Variants in CREB3L2 observed in about 807,000 individuals in gnomAD.
CREB3L2 encodes the protein cyclic AMP-responsive element-binding protein 3-like protein 2.
Under a neutral mutation model 57.2 loss-of-function variants are expected in CREB3L2, and 23 were observed. The observed-to-expected ratio is 0.40, with a 90% CI of 0.29 to 0.57. The LOEUF is 0.57. CREB3L2 is among the 20% of genes least tolerant of loss of function. CREB3L2 has a pLI of 0.42. For synonymous variants in CREB3L2, 268 were observed against 265.1 expected (o/e 1.01, Z -0.11); for missense variants, 628 against 634.7 (o/e 0.99, Z 0.11).
intron 1 of CREB3L2, among the ~76,000 whole-genome samples, chr7:137,958,828 G>A (rs1313396077): frequency 6.6e-6 from 1 of 152,156 alleles, no homozygotes; most frequent in Non-Finnish European, 1.5e-5. Context: ...ACAGGTGAGT[G>A]GATCTGGTCA....
At chr7:137,912,102 C>T (rs941252239) in intron 4 of CREB3L2, among the ~76,000 whole-genome samples, 6 of 152,026 alleles carry the variant, frequency 3.9e-5, no homozygotes, top group Non-Finnish European at 5.9e-5. Flanking sequence ...CTTGGCCAGG[C>T]GTGGTGGCTT....
chr7:137,968,732 G>A (rs1399294894), intron 1 of CREB3L2, among the ~76,000 whole-genome samples: 1 of 152,126 alleles, frequency 6.6e-6, no homozygotes, highest in African/African-American at 2.4e-5. Flanking sequence ...GGGGGGTACA[G>A]CTGGATCAGT....
At chr7:137,929,890 T>A (rs192340114) in intron 1 of CREB3L2, among the ~76,000 whole-genome samples, 233 of 150,316 alleles carry the variant, frequency 1.6e-3, no homozygotes, top group African/African-American at 5.4e-3. Flanking sequence ...ATAAATTAAT[T>A]AATTAATTAA....
chr7:137,882,910 C>CT lies in CREB3L2; in HGVS notation c.1271-283_1271-282insA, dbSNP rs201431808. On this transcript the variant is annotated intron_variant, in intron 10 of 11. Transcript: ENST00000330387. Reference sequence around the variant, plus strand: ...CCACTGCTTTGAAAATATAAAACTCCCCCCTTACCACCCATAACCATCTAG... The same window carrying CT: ...CCACTGCTTTGAAAATATAAAACTCCTCCCCTTACCACCCATAACCATCTAG... Among the ~76,000 whole-genome samples the CT allele has an allele frequency of 1.3e-3, 199 of 150,538 alleles. 1 individual carries two copies. The East Asian group carries it at 0.03, about 23-fold the overall frequency.
rs1554495639 is a variant in CREB3L2, at chr7:137,904,849, A to AAG, written c.916-833_916-832insCT. On this transcript the variant is annotated intron_variant, in intron 6 of 11. Transcript: ENST00000330387. Reference sequence around the variant, plus strand: ...GTGAGACTCTGTATGAAAAAAAAAAAAAAGAAAGAAAGAAAAGAAAAGAAA... The same window carrying AAG: ...GTGAGACTCTGTATGAAAAAAAAAAAAGAAAGAAAGAAAGAAAAGAAAAGAAA... Among the ~76,000 whole-genome samples the AAG allele has an allele frequency of 1.7e-3, 248 of 147,704 alleles. 1 individual carries two copies. The highest frequency in any genetic ancestry group is 6.3e-3 in the African/African-American group (240 of 37,900).
chr7:137,982,969 G>A (rs1382620670), intron 1 of CREB3L2, among the ~76,000 whole-genome samples: 4 of 152,160 alleles, frequency 2.6e-5, no homozygotes, highest in Admixed American at 2.6e-4. Context: ...CAGGAAGAGA[G>A]CCCTAACCAG....
intron 8 of CREB3L2, among the ~76,000 whole-genome samples, chr7:137,891,771 G>A (rs1439198583): frequency 6.6e-6 from 1 of 152,048 alleles, no homozygotes; most frequent in Non-Finnish European, 1.5e-5. Context: ...TAGAGATGGG[G>A]TTTCACCATG....
chr7:137,886,761 G>T (rs1400123660), intron 8 of CREB3L2, among the ~76,000 whole-genome samples: 3 of 151,524 alleles, frequency 2.0e-5, no homozygotes, highest in Non-Finnish European at 4.4e-5. Context: ...CCTAAAATTG[G>T]ACAACTGTGC....
intron 5 of CREB3L2, among the ~76,000 whole-genome samples, chr7:137,906,797 C>T (rs1327917092): frequency 6.6e-6 from 1 of 152,198 alleles, no homozygotes; most frequent in Non-Finnish European, 1.5e-5. Flanking sequence ...ACAGGAGTTG[C>T]ACTGCACAAG....
At chr7:137,891,788 A>G (rs1043633607) in intron 8 of CREB3L2, among the ~76,000 whole-genome samples, 2 of 152,156 alleles carry the variant, frequency 1.3e-5, no homozygotes, top group African/African-American at 4.8e-5. Context: ...CATGTTGGTC[A>G]GGCTGGTCTT....
At chr7:137,997,565 A>C (rs1585685661) in intron 1 of CREB3L2, among the ~76,000 whole-genome samples, 1 of 151,848 alleles carries the variant, frequency 6.6e-6, no homozygotes, top group South Asian at 2.1e-4. Context: ...TACCAAAAAA[A>C]AAGAAGAAAA....
intron 1 of CREB3L2, among the ~76,000 whole-genome samples, chr7:137,987,492 A>G (rs1409983194): frequency 6.6e-6 from 1 of 152,222 alleles, no homozygotes; most frequent in Non-Finnish European, 1.5e-5. Context: ...CTTATCTGTG[A>G]CTAATCTCTA....
At chr7:137,899,503 A>G (rs1799708664) in intron 8 of CREB3L2, among the ~76,000 whole-genome samples, 1 of 152,236 alleles carries the variant, frequency 6.6e-6, no homozygotes, top group Non-Finnish European at 1.5e-5. Flanking sequence ...ACATGCATAC[A>G]TATGCTGGCT....
At position 137,928,192 on chromosome 7, in the gene CREB3L2, A is replaced by G. The variant is rs1319048216; in HGVS notation, c.277T>C (p.Ser93Pro). 6.3e-7 allele frequency: 1 copy of G among 1,598,382 alleles called. No homozygotes were observed. Among genetic ancestry groups the G allele is most frequent in the Non-Finnish European group, 8.5e-7 (1 of 1,171,310 alleles). Residue 93 changes from serine to proline, a missense_variant, in exon 2 of 12, where the codon TCG becomes CCG. Coordinates refer to ENST00000330387, the MANE Select transcript of CREB3L2 (RefSeq NM_194071.4). ...CTGGTGGTAATGTGGGTGAAGGGCGACTGGGCCCGAGGCTCCTCGCACAGG... is the reference window on the plus strand; with the variant it reads ...CTGGTGGTAATGTGGGTGAAGGGCGGCTGGGCCCGAGGCTCCTCGCACAGG... ...YSLCEEPRAQ[S>P]PFTHITTSDS...
chr7:137,889,645 T>C (rs546243206), intron 8 of CREB3L2, among the ~76,000 whole-genome samples: 32 of 152,166 alleles, frequency 2.1e-4, no homozygotes, highest in Non-Finnish European at 4.6e-4. Flanking sequence ...ACGGAACTGA[T>C]GGTGGAAATG....
chr7:137,959,703 A>G (rs1306066338), intron 1 of CREB3L2, among the ~76,000 whole-genome samples: 1 of 152,218 alleles, frequency 6.6e-6, no homozygotes, highest in Non-Finnish European at 1.5e-5. Flanking sequence ...GATTTCTCAA[A>G]CATTCTACAA....
At chr7:137,922,392 A>ATATATATG (rs1800315622) in intron 2 of CREB3L2, among the ~76,000 whole-genome samples, 1 of 19,270 alleles carries the variant, frequency 5.2e-5, no homozygotes, top group Non-Finnish European at 9.1e-5. Flanking sequence ...ATGTATATAT[A>ATATATATG]TATATATATA....
In CREB3L2 at chr7:137,901,886, A is replaced by AAAAG. The variant is rs1554495245; in HGVS notation, c.975-465_975-464insCTTT. Reference sequence around the variant, plus strand: ...GCAAGATCTGTCTCAAAAAAAAAAAAAAAAAAGAAAAATAGAAGGAGCTGG... The same window carrying AAAAG: ...GCAAGATCTGTCTCAAAAAAAAAAAAAAAGAAAAAAGAAAAATAGAAGGAGCTGG... On this transcript the variant is annotated intron_variant, in intron 7 of 11. Coordinates refer to ENST00000330387, the MANE Select transcript of CREB3L2 (RefSeq NM_194071.4). Among the ~76,000 whole-genome samples, 240 of 149,568 alleles carry AAAAG rather than the reference A, an allele frequency of 1.6e-3. 8 individuals carry two copies. The highest frequency in any genetic ancestry group is 5.5e-3 in the African/African-American group (224 of 40,746).
chr7:137,896,933 G>C (rs569833560), intron 8 of CREB3L2, among the ~76,000 whole-genome samples: 19 of 152,308 alleles, frequency 1.2e-4, no homozygotes, highest in Admixed American at 9.8e-4. Context: ...AGAAACAAGA[G>C]AATAGAAAGG....
Sources: gnomAD v4.1 joint callset for allele counts (sites outside exome capture counted in the v4.1 genomes callset) on GRCh38, gnomAD v4.1.1 for gene constraint, MANE v1.5 for transcripts, NCBI Gene and HGNC (gene_info 2026-07-23, HGNC 2026-07-21) for gene names.